TENM1: variants seen among roughly 807,000 people sequenced by gnomAD.
TENM1 encodes teneurin transmembrane protein 1.
TENM1 carries 35 observed loss-of-function variants against 174.8 expected under a neutral mutation model. The ratio of observed to expected loss-of-function variants is 0.20; its 90% CI spans 0.15 to 0.27. TENM1 has a LOEUF of 0.27. Among genes scored for constraint, TENM1 ranks in the 10% least tolerant of loss-of-function variants. The pLI is 1.00. For missense variants in TENM1, 1,633 were observed against 2,130.1 expected (o/e 0.77, Z 4.59); for synonymous variants, 781 against 798.7 (o/e 0.98, Z 0.37).
At chrX:124,806,704 C>A (rs982463605) in intron 3 of TENM1, among the ~76,000 whole-genome samples, 9 of 111,744 alleles carry the variant, frequency 8.1e-5, no homozygotes, top group African/African-American at 2.6e-4. Context: ...TAAAGACAAG[C>A]AATTTAATTA....
rs753759255 is a variant in TENM1, at chrX:124,456,262, T to C, written c.3950-2771A>G. 5.3e-5 allele frequency among the ~76,000 whole-genome samples: 6 copies of C among 112,480 alleles called. No individual in the cohort carries two copies. In the South Asian group the frequency reaches 2.2e-3, roughly 41 times the overall value. On this transcript the variant is annotated intron_variant, in intron 22 of 31. Transcript: ENST00000422452. ...GTCCAAATTCCAAACATACTTCTTT[T>C]TCCTTGAGAAGCTTTAATTAACTTT... is the stretch of plus-strand genomic sequence containing the variant.
At chrX:124,584,079 G>A (rs1410668048) in intron 11 of TENM1, among the ~76,000 whole-genome samples, 5 of 109,725 alleles carry the variant, frequency 4.6e-5, no homozygotes, top group African/African-American at 9.9e-5. Context: ...TGAAAGTGAC[G>A]GGGAGAATGG....
At chrX:125,044,660 A>C in the TENM1 span, among the ~76,000 whole-genome samples, 1 of 111,155 alleles carries the variant, frequency 9.0e-6, no homozygotes, top group East Asian at 2.8e-4. Flanking sequence ...TAACCACAAC[A>C]GAGACTATAA....
chrX:125,081,323 C>T, the TENM1 span, among the ~76,000 whole-genome samples: 1 of 111,082 alleles, frequency 9.0e-6, no homozygotes, highest in Non-Finnish European at 1.9e-5. Flanking sequence ...AACTTCAATC[C>T]TGACCATAGC....
At chrX:124,574,614 C>G (rs888692873) in intron 11 of TENM1, among the ~76,000 whole-genome samples, 1 of 110,826 alleles carries the variant, frequency 9.0e-6, no homozygotes, top group East Asian at 2.8e-4. Flanking sequence ...AATGAATGAG[C>G]CTGAATAGAC....
At chrX:124,783,308 A>G (rs920767298) in intron 3 of TENM1, among the ~76,000 whole-genome samples, 3 of 112,018 alleles carry the variant, frequency 2.7e-5, no homozygotes, top group African/African-American at 9.7e-5. Context: ...AAGAATACTC[A>G]TCTCTCAGAG....
At chrX:124,522,157 CA>C (rs1569536106) in intron 17 of TENM1, among the ~76,000 whole-genome samples, 1 of 111,566 alleles carries the variant, frequency 9.0e-6, no homozygotes, top group Non-Finnish European at 1.9e-5. Flanking sequence ...CCTTTGTAAG[CA>C]AAGGGCAATG....
the TENM1 span, among the ~76,000 whole-genome samples, chrX:125,169,521 G>A: frequency 9.0e-6 from 1 of 111,563 alleles, no homozygotes; most frequent in African/African-American, 3.3e-5. Flanking sequence ...AAGGAACTGA[G>A]ATATCTAGTT....
In TENM1 at chrX:124,662,216, A is replaced by G. The variant is rs776736542; in HGVS notation, c.1169-8433T>C. On this transcript the variant is annotated intron_variant, in intron 6 of 31. Transcript: ENST00000422452. ...ACGCCTGTAATCCCAGCACTTTGGG[A>G]AGCTGAGACGGGCGGATCACAAGGT... Among the ~76,000 whole-genome samples the G allele has an allele frequency of 5.6e-3, 622 of 110,434 alleles. 5 individuals carry two copies. Among genetic ancestry groups the G allele is most frequent in the African/African-American group, 0.019 (575 of 30,283 alleles).
chrX:125,148,851 A>G, the TENM1 span, among the ~76,000 whole-genome samples: 4 of 111,518 alleles, frequency 3.6e-5, no homozygotes, highest in Non-Finnish European at 7.5e-5. Flanking sequence ...CCATGTCCTA[A>G]TCCAGGCACT....
At chrX:125,017,405 C>T in the TENM1 span, among the ~76,000 whole-genome samples, 41 of 111,591 alleles carry the variant, frequency 3.7e-4, no homozygotes, top group East Asian at 0.011. Context: ...GAAATAGGAA[C>T]GCTTTTACAC....
At position 124,441,833 on chromosome X, in the gene TENM1, A is replaced by G. The variant is rs1371484069; in HGVS notation, c.4104+11504T>C. ...AGTTACTATGAAAATAGTTAATTCA[A>G]TTGGTTAAACTAACCATGACCAATT... On this transcript the variant is annotated intron_variant, in intron 23 of 31. Transcript: ENST00000422452. 2.7e-5 allele frequency among the ~76,000 whole-genome samples: 3 copies of G among 112,228 alleles called. No homozygotes were observed. The South Asian group carries it at 1.1e-3, about 42-fold the overall frequency.
intron 27 of TENM1, 51 bp downstream of exon 30, chrX:124,404,980 C>A (rs1377155936): frequency 7.0e-6 from 7 of 1,002,768 alleles, no homozygotes; most frequent in Non-Finnish European, 9.8e-6. Context: ...AACAAACAAA[C>A]AAACAAAACA....
At chrX:124,700,865 C>T (rs1228022892) in intron 5 of TENM1, among the ~76,000 whole-genome samples, 1 of 111,201 alleles carries the variant, frequency 9.0e-6, no homozygotes, top group African/African-American at 3.3e-5. Flanking sequence ...TCTTTTACTC[C>T]ACTGTAGTAA....
intron 1 of TENM1, among the ~76,000 whole-genome samples, chrX:124,962,294 C>A (rs1330771651): frequency 1.8e-5 from 2 of 111,284 alleles, no homozygotes; most frequent in Admixed American, 9.6e-5. Flanking sequence ...GGGGTTCAAG[C>A]AGTAATCTTC....
chrX:124,685,364 T>TA (rs932650166), intron 5 of TENM1, among the ~76,000 whole-genome samples: 6 of 107,951 alleles, frequency 5.6e-5, no homozygotes, highest in East Asian at 3.0e-4. Flanking sequence ...ATAGAAGCCA[T>TA]AAAAAAAAAT....
In TENM1 at chrX:124,840,927, T is replaced by A. The variant is rs1028146599; in HGVS notation, c.535+53369A>T. Among the ~76,000 whole-genome samples, 9 of 112,235 alleles carry A rather than the reference T, an allele frequency of 8.0e-5. No individual in the cohort carries two copies. In the Admixed American group the frequency reaches 8.6e-4, roughly 11 times the overall value. On this transcript the variant is annotated intron_variant, in intron 3 of 31. Coordinates refer to ENST00000422452, the Ensembl canonical transcript of TENM1. ...CAAAGTTAATATGCCATTTTACTTTTACATTTCAGTTCAATTTCTCTAGCA... is the reference window on the plus strand; with the variant it reads ...CAAAGTTAATATGCCATTTTACTTTAACATTTCAGTTCAATTTCTCTAGCA...
chrX:125,001,275 C>G, the TENM1 span, among the ~76,000 whole-genome samples: 4 of 111,219 alleles, frequency 3.6e-5, no homozygotes, highest in African/African-American at 1.3e-4. Context: ...ATTAACTCCT[C>G]TGGTCTGGCA....
chrX:124,527,327 T>C (rs747146621), intron 16 of TENM1, among the ~76,000 whole-genome samples: 14 of 112,064 alleles, frequency 1.2e-4, no homozygotes, highest in Non-Finnish European at 1.3e-4. Flanking sequence ...ATAAATTACT[T>C]TGGTCCCATG....
Sources: allele counts gnomAD v4.1 joint callset (sites outside exome capture counted in the v4.1 genomes callset), GRCh38; gene constraint gnomAD v4.1.1; transcripts MANE v1.5; gene names NCBI Gene and HGNC (gene_info 2026-07-23, HGNC 2026-07-21).